The following USP54 variants were observed in gnomAD, a reference collection of about 807,000 sequenced individuals.
The protein encoded by USP54 is ubiquitin specific peptidase 54.
Under a neutral mutation model 170.5 loss-of-function variants are expected in USP54, and 87 were observed. That is an observed-to-expected ratio of 0.51 (90% CI 0.43 to 0.61). USP54 has a LOEUF of 0.61. Among genes scored for constraint, USP54 ranks in the 20% least tolerant of loss-of-function variants. The pLI is 0.00. For missense variants in USP54, 1,786 were observed against 2,047.8 expected (o/e 0.87, Z 2.47); for synonymous variants, 655 against 742.8 (o/e 0.88, Z 1.92).
Position 73,498,115 on chromosome 10 carries a change from A to T in USP54, c.*514T>A, listed in dbSNP as rs948291389. 2.6e-5 allele frequency: 4 copies of T among 152,398 alleles called. No homozygotes were observed. The highest frequency in any genetic ancestry group is 4.4e-5 in the Non-Finnish European group (3 of 68,236). The allele number at this position is 152,398 out of a possible 1,614,324, so 9.4% of individuals were successfully genotyped here. On this transcript the variant is annotated 3_prime_UTR_variant, in exon 24 of 24. Transcript: ENST00000687698. ...CAGCTGCTTCCTTTTGCTAGGGGGA[A>T]TGGAAGTTGGAATTTCAAATATCCC...
chr10:73,542,194 G>A (rs1307135209), intron 7 of USP54, among the ~76,000 whole-genome samples: 1 of 152,122 alleles, frequency 6.6e-6, no homozygotes, highest in Non-Finnish European at 1.5e-5. Flanking sequence ...CGCCTCCTGG[G>A]TTCAAGCAAT....
chr10:73,541,115 A>G (rs2066515795), intron 9 of USP54, among the ~76,000 whole-genome samples: 2 of 152,200 alleles, frequency 1.3e-5, no homozygotes, highest in South Asian at 4.1e-4. Context: ...ATTTATTTTT[A>G]TCAGTAGCTA....
chr10:73,573,922 C>A (rs1057418747), intron 3 of USP54, among the ~76,000 whole-genome samples: 1 of 152,208 alleles, frequency 6.6e-6, no homozygotes, highest in Non-Finnish European at 1.5e-5. Flanking sequence ...CAACCCAGGT[C>A]TCCTCCTAAT....
At chr10:73,607,337 GAA>G (rs11332379) in intron 1 of USP54, among the ~76,000 whole-genome samples, 63 of 127,624 alleles carry the variant, frequency 4.9e-4, no homozygotes, top group African/African-American at 1.2e-3. Flanking sequence ...AAAAAAAAAA[GAA>G]AAAAAAAAAT....
intron 1 of USP54, among the ~76,000 whole-genome samples, chr10:73,610,100 C>T (rs1362937134): frequency 6.6e-6 from 1 of 151,836 alleles, no homozygotes. Flanking sequence ...ATCACTTGAA[C>T]CTGGGAGGCG....
intron 19 of USP54, chr10:73,519,513 T>C: frequency 2.4e-6 from 1 of 408,354 alleles, no homozygotes; most frequent in Non-Finnish European, 4.6e-6. Context: ...TATATACAAA[T>C]ATAATAATCG....
At chr10:73,580,481 GACTT>G (rs1274917416) in intron 1 of USP54, among the ~76,000 whole-genome samples, 2 of 151,892 alleles carry the variant, frequency 1.3e-5, no homozygotes, top group African/African-American at 4.8e-5. Flanking sequence ...GGGATTATGG[GACTT>G]ACCTTATTTT....
Position 73,542,786 on chromosome 10 carries a change from A to AATCTTGT in USP54, c.572+10_572+16dup, listed in dbSNP as rs775584097. 1.1e-4 allele frequency: 184 copies of AATCTTGT among 1,611,970 alleles called. 1 individual carries two copies. The highest frequency in any genetic ancestry group is 5.0e-4 in the Middle Eastern group (3 of 6,056). Reference sequence around the variant, plus strand: ...AGGAATGCCTAAACGCACAACAGAAAATCTTGTAAGACTCACCAAAGGGAA... The same window carrying AATCTTGT: ...AGGAATGCCTAAACGCACAACAGAAAATCTTGTATCTTGTAAGACTCACCAAAGGGAA... On this transcript the variant is annotated intron_variant, in intron 7 of 23. Transcript: ENST00000687698.
At chr10:73,503,455 ATTTG>A (rs539100475) in intron 22 of USP54, among the ~76,000 whole-genome samples, 255 of 152,326 alleles carry the variant, frequency 1.7e-3, no homozygotes, top group Non-Finnish European at 2.8e-3. Context: ...GCACTTATTT[ATTTG>A]TTTATTTTTG....
chr10:73,527,895 G>C (rs1220740910), intron 15 of USP54, among the ~76,000 whole-genome samples: 1 of 149,980 alleles, frequency 6.7e-6, no homozygotes, highest in African/African-American at 2.5e-5. Context: ...AATAACATTT[G>C]GGCTTCTTCT....
intron 1 of USP54, among the ~76,000 whole-genome samples, chr10:73,602,811 G>A (rs533502287): frequency 4.0e-5 from 5 of 126,318 alleles, no homozygotes; most frequent in African/African-American, 1.3e-4. Flanking sequence ...AGCTGAGATC[G>A]CACCACTGCA....
At chr10:73,545,240 G>A (rs745592576) in intron 5 of USP54, among the ~76,000 whole-genome samples, 4 of 152,038 alleles carry the variant, frequency 2.6e-5, no homozygotes, top group Non-Finnish European at 5.9e-5. Flanking sequence ...CTCCTCTGCC[G>A]GGCCTACTGT....
At chr10:73,545,781 T>C in intron 4 of USP54, 109 bp from the exon 5 acceptor site, 15 of 1,318,396 alleles carry the variant, frequency 1.1e-5, no homozygotes, top group East Asian at 2.4e-5. Flanking sequence ...TGAAACCAAA[T>C]GTGCTTCCCA....
In USP54 at chr10:73,575,678, GA is replaced by G. The variant is rs199859061; in HGVS notation, c.-17-4del. 2.3e-4 allele frequency: 350 copies of G among 1,503,408 alleles called. No homozygotes were observed. The highest frequency in any genetic ancestry group is 7.8e-4 in the South Asian group (59 of 76,068). The allele number at this position is 1,503,408 out of a possible 1,614,324, so 93.1% of individuals were successfully genotyped here. On this transcript the variant is annotated splice_polypyrimidine_tract_variant and splice_region_variant and intron_variant, in intron 2 of 23. Transcript: ENST00000687698. ...AGACATTATTGTTCACATTTAGCCT[GA>G]AAAAAAAATGGAGAAGGATTTGTGC...
At chr10:73,573,436 A>G (rs1042798266) in intron 3 of USP54, among the ~76,000 whole-genome samples, 14 of 151,882 alleles carry the variant, frequency 9.2e-5, no homozygotes, top group African/African-American at 2.9e-4. Context: ...CCAGCACATA[A>G]TTTTTTTTTA....
chr10:73,516,532 C>T lies in USP54; in HGVS notation c.3894G>A (p.Glu1298=). The change falls in exon 20 of 24, where the codon GAG becomes GAA. Residue 1298 remains glutamate (E), a synonymous_variant. Coordinates refer to ENST00000687698, the MANE Select transcript of USP54 (RefSeq NM_001391956.1). ...GTGGATGCAAAAGGATGTGATTTCTCTCTGGATAGGTTACACACGTATGGG... is the reference window on the plus strand; with the variant it reads ...GTGGATGCAAAAGGATGTGATTTCTTTCTGGATAGGTTACACACGTATGGG... The part of the protein sequence containing the change: ...HDSHTCVTYP[E]RNHILLHPHW... 1.2e-6 allele frequency: 2 copies of T among 1,614,212 alleles called. No homozygotes were observed. The highest frequency in any genetic ancestry group is 1.7e-6 in the Non-Finnish European group (2 of 1,180,048).
chr10:73,535,732 CAG>C (rs749016965), intron 11 of USP54, among the ~76,000 whole-genome samples: 202 of 152,258 alleles, frequency 1.3e-3, no homozygotes, highest in Non-Finnish European at 2.3e-3. Context: ...CCCTCCAAGA[CAG>C]AGTCTTGCTA....
chr10:73,530,385 C>T lies in USP54; in HGVS notation c.1586G>A (p.Gly529Asp). Residue 529 changes from glycine to aspartate, a missense_variant, in exon 14 of 24, where the codon GGC (glycine) becomes GAC (aspartate). Gly to Asp is a moderately conservative substitution (Grantham distance 94). Coordinates refer to ENST00000687698, the MANE Select transcript of USP54 (RefSeq NM_001391956.1). ...RPSLASQTNV[G>D]SHCRGRGGDQ... is the part of the protein sequence containing the mutation. Reference sequence around the variant, plus strand: ...TCCTCCTCTGCCCCTGCAGTGAGAGCCTACATTGGTCTGAGAAGCCAGGGA... The same window carrying T: ...TCCTCCTCTGCCCCTGCAGTGAGAGTCTACATTGGTCTGAGAAGCCAGGGA... The T allele has an allele frequency of 6.2e-7, 1 of 1,614,118 alleles. No individual in the cohort carries two copies. The highest frequency in any genetic ancestry group is 8.5e-7 in the Non-Finnish European group (1 of 1,180,032).
chr10:73,538,678 G>T (rs965060771), intron 10 of USP54, among the ~76,000 whole-genome samples: 1 of 151,914 alleles, frequency 6.6e-6, no homozygotes, highest in Non-Finnish European at 1.5e-5. Context: ...GGGTGTGGTG[G>T]CCACACACCT....
Sources: allele counts gnomAD v4.1 joint callset (sites outside exome capture counted in the v4.1 genomes callset), GRCh38; gene constraint gnomAD v4.1.1; transcripts MANE v1.5; gene names NCBI Gene and HGNC (gene_info 2026-07-23, HGNC 2026-07-21).